The following KIF14 variants were observed in gnomAD, a reference collection of about 807,000 sequenced individuals.
KIF14 encodes kinesin family member 14, also known as kinesin-like protein KIF14.
KIF14 carries 98 observed loss-of-function variants against 176.2 expected under a neutral mutation model. That is an observed-to-expected ratio of 0.56 (90% CI 0.47 to 0.66). The LOEUF is 0.66. Among genes scored for constraint, KIF14 ranks in the 30% least tolerant of loss-of-function variants. KIF14 has a pLI of 0.00. For synonymous variants in KIF14, 566 were observed against 632.2 expected (o/e 0.90, Z 1.57); for missense variants, 1,751 against 1,920.4 (o/e 0.91, Z 1.65).
At chr1:200,606,850 A>T in intron 5 of KIF14, 52 bp from the exon 6 acceptor site, 3 of 1,343,928 alleles carry the variant, frequency 2.2e-6, no homozygotes, top group Non-Finnish European at 3.2e-6. Flanking sequence ...TATTTCATGT[A>T]ACTTGAAATG....
chr1:200,601,862 C>T (rs1659642221), intron 11 of KIF14, 34 bp downstream of exon 11: 1 of 1,559,836 alleles, frequency 6.4e-7, no homozygotes, highest in Non-Finnish European at 8.8e-7. Context: ...TAAACTGTGG[C>T]AAAACAATTT....
chr1:200,581,115 G>GA (rs368717102), intron 20 of KIF14, 86 bp downstream of exon 20: 14,843 of 288,546 alleles, frequency 0.051, 32 homozygotes, highest in East Asian at 0.095. Context: ...CTCTGTCTCA[G>GA]AAAAAAAAAA....
intron 21 of KIF14, among the ~76,000 whole-genome samples, chr1:200,578,653 T>C (rs887290579): frequency 1.3e-5 from 2 of 151,864 alleles, no homozygotes; most frequent in Non-Finnish European, 2.9e-5. Flanking sequence ...TGGATTCAAA[T>C]TTGCCAAATT....
chr1:200,568,219 C>T (rs1422778322), intron 23 of KIF14, among the ~76,000 whole-genome samples: 1 of 152,084 alleles, frequency 6.6e-6, no homozygotes, highest in African/African-American at 2.4e-5. Context: ...CTTTGAAAAC[C>T]ACAAATAAGC....
chr1:200,565,023 A>G (rs770201265), intron 25 of KIF14, 46 bp downstream of exon 25: 2 of 1,442,746 alleles, frequency 1.4e-6, no homozygotes, highest in African/African-American at 1.4e-5. Flanking sequence ...GCCAATAAAT[A>G]ATTATTAAAT....
Position 200,555,424 on chromosome 1 carries a change from C to A in KIF14, c.4384G>T (p.Gly1462Ter). The A allele has an allele frequency of 1.3e-6, 2 of 1,576,114 alleles. No individual in the cohort carries two copies. The highest frequency in any genetic ancestry group is 8.6e-7 in the Non-Finnish European group (1 of 1,159,366). Residue 1462 changes from glycine to a stop codon, truncating the protein, a stop_gained, in exon 28 of 30, where the codon GGA becomes TGA. Coordinates refer to ENST00000367350, the MANE Select transcript of KIF14 (RefSeq NM_014875.3). LOFTEE classifies it high-confidence loss of function. ...ATGTTTTCAAGAGATCTAATCAATC[C>A]CATGGCATTAGTTTTCATTTCTTTG... ...VTKEMKTNAM[G>*]LIRSLENIFA...
intron 1 of KIF14, among the ~76,000 whole-genome samples, chr1:200,619,253 C>A (rs941300251): frequency 1.3e-5 from 2 of 151,720 alleles, no homozygotes; most frequent in Admixed American, 6.6e-5. Context: ...AACCCTAGCA[C>A]CTAAATCAGA....
Position 200,560,775 on chromosome 1 carries a change from C to T in KIF14, c.4177G>A (p.Gly1393Arg), listed in dbSNP as rs1657097229. The T allele has an allele frequency of 1.2e-6, 2 of 1,614,196 alleles. No homozygotes were observed. Among genetic ancestry groups the T allele is most frequent in the East Asian group, 4.5e-5 (2 of 44,884 alleles). The change falls in exon 26 of 30, where the codon GGG (glycine) becomes AGG (arginine). Residue 1393 changes from glycine to arginine, a missense_variant. Gly to Arg is a moderately radical substitution (Grantham distance 125). Coordinates refer to ENST00000367350, the MANE Select transcript of KIF14 (RefSeq NM_014875.3). The stretch of plus-strand genomic sequence containing the variant: ...TTTTCTAGAAAATGTAGCTTGCTCC[C>T]TTTCAGAACTGCTAACTGCCCCACA... ...KYVGQLAVLK[G>R]SKLHFLENGN...
chr1:200,571,875 C>T (rs1245139831), intron 22 of KIF14, among the ~76,000 whole-genome samples: 1 of 152,156 alleles, frequency 6.6e-6, no homozygotes, highest in East Asian at 1.9e-4. Context: ...AAGTAAAATG[C>T]TTGTCATATT....
chr1:200,569,857 G>C (rs544722631), intron 23 of KIF14, 54 bp downstream of exon 23: 7 of 912,264 alleles, frequency 7.7e-6, no homozygotes, highest in Admixed American at 2.1e-5. Context: ...TGTAATGGTA[G>C]AACCAGGACT....
chr1:200,589,157 T>G (rs1376782353), intron 18 of KIF14, 60 bp downstream of exon 18: 28 of 1,411,786 alleles, frequency 2.0e-5, no homozygotes, highest in Non-Finnish European at 2.4e-5. Flanking sequence ...GCCACTTCTT[T>G]GAAAAAAAAA....
At chr1:200,608,955 A>C (rs1660021330) in intron 4 of KIF14, 27 bp from the exon 5 acceptor site, 2 of 1,320,866 alleles carry the variant, frequency 1.5e-6, no homozygotes, top group Non-Finnish European at 2.2e-6. Context: ...CACAGCATAT[A>C]ATTTATTTTG....
chr1:200,569,236 A>C (rs1571476276), intron 23 of KIF14, among the ~76,000 whole-genome samples: 2 of 152,134 alleles, frequency 1.3e-5, no homozygotes, highest in East Asian at 3.8e-4. Flanking sequence ...AGCAGGCAGT[A>C]ATTCTTAAAT....
intron 23 of KIF14, among the ~76,000 whole-genome samples, chr1:200,568,801 C>T (rs1657609891): frequency 6.6e-6 from 1 of 152,042 alleles, no homozygotes; most frequent in African/African-American, 2.4e-5. Flanking sequence ...TATATATACT[C>T]TTTTGGATCT....
At chr1:200,576,638 A>G (rs531004298) in intron 21 of KIF14, among the ~76,000 whole-genome samples, 1 of 152,324 alleles carries the variant, frequency 6.6e-6, no homozygotes, top group South Asian at 2.1e-4. Flanking sequence ...AAAATTTGGA[A>G]ATTATTAATA....
At chr1:200,592,008 T>C (rs981366616) in intron 16 of KIF14, 72 bp downstream of exon 16, 2 of 1,291,790 alleles carry the variant, frequency 1.5e-6, no homozygotes, top group African/African-American at 1.5e-5. Flanking sequence ...TACTAGAGAC[T>C]GGCACAATGT....
At position 200,600,430 on chromosome 1, in the gene KIF14, C is replaced by T. The variant is rs775385569; in HGVS notation, c.2226G>A (p.Arg742=). 2 of 1,613,632 alleles carry T rather than the reference C, an allele frequency of 1.2e-6. No individual in the cohort carries two copies. The highest frequency in any genetic ancestry group is 4.5e-5 in the East Asian group (2 of 44,858). ...AGGATGTTATTTCTTGCCGACAGAG[C>T]CTGTATCGTTCAGGGTCAATATTCC... is the stretch of plus-strand genomic sequence containing the variant. ...NSRNIDPERY[R]LCRQEITSLR... is the part of the protein sequence containing the mutation. Residue 742 remains arginine (R), a synonymous_variant, in exon 12 of 30, where the codon AGG becomes AGA. Coordinates refer to ENST00000367350, the MANE Select transcript of KIF14 (RefSeq NM_014875.3).
At chr1:200,590,762 C>A (rs7512524) in intron 16 of KIF14, among the ~76,000 whole-genome samples, 34,123 of 152,074 alleles carry the variant, frequency 0.22, 5,420 homozygotes, top group African/African-American at 0.44. Flanking sequence ...CAGTGACTCA[C>A]GCCTGTAATC....
At position 200,553,659 on chromosome 1, in the gene KIF14, T is replaced by A; in HGVS notation, c.4676A>T (p.Tyr1559Phe). The change falls in exon 30 of 30, where the codon TAT (tyrosine) becomes TTT (phenylalanine). Residue 1559 changes from tyrosine (Y) to phenylalanine (F), a missense_variant. Transcript: ENST00000367350. The part of the protein sequence containing the change: ...FSVPSTSVGS[Y>F]ESRVTHIVHQ... ...GACAATGTGAGTTACTCTACTCTCA[T>A]AGCTGCCAACAGAAGTAGAAGGCAC... is the stretch of plus-strand genomic sequence containing the variant. The A allele has an allele frequency of 6.2e-7, 1 of 1,614,036 alleles. No individual in the cohort carries two copies. The highest frequency in any genetic ancestry group is 8.5e-7 in the Non-Finnish European group (1 of 1,179,960).
Sources: allele counts gnomAD v4.1 joint callset (sites outside exome capture counted in the v4.1 genomes callset), GRCh38; gene constraint gnomAD v4.1.1; transcripts MANE v1.5; gene names NCBI Gene and HGNC (gene_info 2026-07-23, HGNC 2026-07-21).